Variants in TYK2 observed in about 807,000 individuals in gnomAD.
TYK2 encodes non-receptor tyrosine-protein kinase TYK2.
Under a neutral mutation model 130.9 loss-of-function variants are expected in TYK2, and 65 were observed. The observed-to-expected ratio is 0.50, with a 90% CI of 0.41 to 0.61. The LOEUF is 0.61. Among genes scored for constraint, TYK2 ranks in the 20% least tolerant of loss-of-function variants. The pLI, the probability that TYK2 is intolerant of heterozygous loss-of-function variation, is 0.00. For synonymous variants in TYK2, 647 were observed against 658.9 expected (o/e 0.98, Z 0.28); for missense variants, 1,378 against 1,610.7 (o/e 0.86, Z 2.47).
intron 3 of TYK2, among the ~76,000 whole-genome samples, chr19:10,377,615 G>GATAGATGC (rs2042192267): frequency 1.4e-5 from 1 of 71,846 alleles, no homozygotes. Flanking sequence ...TGGGTGGATG[G>GATAGATGC]ATGGGTGGAT....
rs1393700751 is a variant in TYK2 at position 10,359,291 on chromosome 19, T to C, written c.2059A>G (p.Thr687Ala). The C allele has an allele frequency of 6.2e-7, 1 of 1,611,386 alleles. No individual in the cohort carries two copies. Among genetic ancestry groups the C allele is most frequent in the African/African-American group, 1.3e-5 (1 of 74,926 alleles). The change falls in exon 15 of 25, where the codon ACA (threonine) becomes GCA (alanine). Residue 687 changes from threonine (T) to alanine (A), a missense_variant. Physicochemically the swap from Thr to Ala is moderately conservative, Grantham distance 58. Coordinates refer to ENST00000525621, the MANE Select transcript of TYK2 (RefSeq NM_003331.5). Reference sequence around the variant, plus strand: ...AGGGGTCCGTGCTCCACGTACTCTGTCACCATGATATCTGTAAAGACACAG... The same window carrying C: ...AGGGGTCCGTGCTCCACGTACTCTGCCACCATGATATCTGTAAAGACACAG... The part of the protein sequence containing the change: ...CVRGPENIMV[T>A]EYVEHGPLDV...
chr19:10,352,827 T>A (rs1773987899), intron 22 of TYK2, 99 bp downstream of exon 22: 4 of 1,441,512 alleles, frequency 2.8e-6, no homozygotes, highest in Non-Finnish European at 3.7e-6. Flanking sequence ...CGCGCTTCAC[T>A]GGGATCATGC....
intron 3 of TYK2, among the ~76,000 whole-genome samples, chr19:10,372,282 G>C (rs1166420589): frequency 2.1e-5 from 3 of 144,870 alleles, no homozygotes; most frequent in Non-Finnish European, 3.0e-5. Flanking sequence ...CGTGAGCCAC[G>C]GCGCCCGGCC....
intron 14 of TYK2, 33 bp from the exon 15 acceptor site, chr19:10,359,335 C>T (rs2041275533): frequency 1.9e-6 from 3 of 1,605,350 alleles, no homozygotes; most frequent in East Asian, 2.2e-5. Flanking sequence ...GGGCAACCTG[C>T]CTGCTTCTGC....
At position 10,353,942 on chromosome 19, in the gene TYK2, GTC is replaced by G; in HGVS notation, c.2908+98_2908+99del. 1 of 1,274,006 alleles carries G rather than the reference GTC, an allele frequency of 7.8e-7. No homozygotes were observed. Among genetic ancestry groups the G allele is most frequent in the Non-Finnish European group, 1.1e-6 (1 of 888,692 alleles). The allele number at this position is 1,274,006 out of a possible 1,614,324, so 78.9% of individuals were successfully genotyped here. A position where few individuals can be genotyped will look rare whatever the true frequency, so the allele number is the denominator to read the frequency against. On this transcript the variant is annotated intron_variant, in intron 20 of 24. Coordinates refer to ENST00000525621, the MANE Select transcript of TYK2 (RefSeq NM_003331.5). This position sits in a 1 kb window ranked among gnomAD's most constrained non-coding sequence, Gnocchi z 6.9. ...CGCGTACTGCAGCCTGGGGTTGAGA[GTC>G]TCTAATTGGCTAGGCCAGACTGGCC...
chr19:10,372,296 G>GACAAC (rs2041938890), intron 3 of TYK2, among the ~76,000 whole-genome samples: 1 of 129,946 alleles, frequency 7.7e-6, no homozygotes, highest in Non-Finnish European at 1.7e-5. Flanking sequence ...CCCGGCCTGG[G>GACAAC]TTTTTTTTTT....
At chr19:10,363,245 A>T (rs1274749890) in intron 9 of TYK2, among the ~76,000 whole-genome samples, 1 of 144,892 alleles carries the variant, frequency 6.9e-6, no homozygotes, top group Non-Finnish European at 1.5e-5. Context: ...GCTGGAGTGC[A>T]GCGGTGCAAT....
intron 2 of TYK2, 116 bp from the exon 3 acceptor site, chr19:10,378,542 T>C (rs2042252775): frequency 2.5e-6 from 2 of 814,854 alleles, no homozygotes; most frequent in Non-Finnish European, 4.0e-6. Context: ...GCTCCCATCT[T>C]GGCATGACAT....
chr19:10,357,084 C>T (rs1368125969), intron 17 of TYK2: 4 of 402,178 alleles, frequency 9.9e-6, no homozygotes, highest in Non-Finnish European at 1.9e-5. Context: ...CATAATTCTA[C>T]ACTTAGATAA....
rs12720288 is a variant in TYK2, at chr19:10,359,892, G to A, written c.2048-590C>T. On this transcript the variant is annotated intron_variant, in intron 14 of 24. Transcript: ENST00000525621. ...AAATTAGCCAGGCATGGTGGTGGGC[G>A]CCGGTAGTCCCAGCTACTTGGGAGG... Among the ~76,000 whole-genome samples, 435 of 152,156 alleles carry A rather than the reference G, an allele frequency of 2.9e-3. 2 individuals are homozygous for A. Among genetic ancestry groups the A allele is most frequent in the African/African-American group, 8.9e-3 (370 of 41,510 alleles).
intron 3 of TYK2, among the ~76,000 whole-genome samples, chr19:10,372,904 C>T (rs1464018163): frequency 6.6e-6 from 1 of 151,940 alleles, no homozygotes; most frequent in Non-Finnish European, 1.5e-5. Context: ...GATGGAGTCA[C>T]CCAGACTGGA....
Position 10,362,580 on chromosome 19 carries a change from C to A in TYK2, c.1445G>T (p.Arg482Leu), listed in dbSNP as rs767936553. ...LIHWSTSHPY[R>L]LILTVAQRSQ... is the part of the protein sequence containing the mutation. The stretch of plus-strand genomic sequence containing the variant: ...ACGCTGGGCCACTGTGAGGATCAGG[C>A]GGTAGGGGTGGCTGGTGCTCCAGTG... Residue 482 changes from arginine (R) to leucine (L), a missense_variant, in exon 10 of 25, where the codon CGC (arginine) becomes CTC (leucine). Arg to Leu is a moderately radical substitution (Grantham distance 102, BLOSUM62 -2). Transcript: ENST00000525621. 1 of 1,554,374 alleles carries A rather than the reference C, an allele frequency of 6.4e-7. No individual in the cohort carries two copies. The highest frequency in any genetic ancestry group is 2.0e-5 in the Admixed American group (1 of 51,216).
At chr19:10,358,184 G>C (rs745886116) in intron 15 of TYK2, 46 bp from the exon 16 acceptor site, 2 of 1,565,242 alleles carry the variant, frequency 1.3e-6, no homozygotes, top group Non-Finnish European at 1.7e-6. Context: ...GAGAGGCACA[G>C]ACGCCAACCC....
At chr19:10,370,607 C>A (rs1457680332) in intron 3 of TYK2, among the ~76,000 whole-genome samples, 1 of 151,646 alleles carries the variant, frequency 6.6e-6, no homozygotes, top group Non-Finnish European at 1.5e-5. Flanking sequence ...CACTTGAGGG[C>A]AGGAGTTTGA....
chr19:10,378,651 A>G (rs565745483), intron 2 of TYK2: 1 of 558,064 alleles, frequency 1.8e-6, no homozygotes, highest in Non-Finnish European at 3.2e-6. Flanking sequence ...AATAACACTG[A>G]ACCCTCCTCT....
intron 18 of TYK2, among the ~76,000 whole-genome samples, chr19:10,356,343 C>A (rs529728298): frequency 6.6e-6 from 1 of 152,274 alleles, no homozygotes; most frequent in East Asian, 1.9e-4. Flanking sequence ...CACGTCACTG[C>A]GCTCCAGGCT....
intron 16 of TYK2, 31 bp from the exon 17 acceptor site, chr19:10,357,949 G>A (rs1401018280): frequency 1.2e-6 from 2 of 1,613,392 alleles, no homozygotes; most frequent in Non-Finnish European, 1.7e-6. Flanking sequence ...GTCACCAAGG[G>A]TGAAAGGAGC....
rs144290894 is a variant in TYK2 at position 10,361,775 on chromosome 19, C to T, written c.1954G>A (p.Ala652Thr). ...KVLDPSHHDI[A>T]LAFYETASLM... The stretch of plus-strand genomic sequence containing the variant: ...GCCTGGCCCTGCCCACTCACCAGGG[C>T]GATGTCATGGTGACTAGGGTCCAGC... The change falls in exon 13 of 25, where the codon GCC becomes ACC. Residue 652 changes from alanine (A) to threonine (T), a missense_variant. Ala to Thr is a moderately conservative substitution (Grantham distance 58). Coordinates refer to ENST00000525621, the MANE Select transcript of TYK2 (RefSeq NM_003331.5). This position sits in a 1 kb window ranked among gnomAD's most constrained non-coding sequence, Gnocchi z 4.0. 71 of 1,613,394 alleles carry T rather than the reference C, an allele frequency of 4.4e-5. No homozygotes were observed. The East Asian group carries it at 7.4e-4, about 17-fold the overall frequency.
chr19:10,351,092 C>A lies in TYK2; in HGVS notation c.3389G>T (p.Arg1130Leu). ...TVLRLTELLE[R>L]GERLPRPDKC... Reference sequence around the variant, plus strand: ...GTCGGGCCGTGGCAGCCTCTCCCCTCGTTCCAGCAACTCAGTGAGTCTCAG... The same window carrying A: ...GTCGGGCCGTGGCAGCCTCTCCCCTAGTTCCAGCAACTCAGTGAGTCTCAG... The change falls in exon 24 of 25, where the codon CGA becomes CTA. Residue 1130 changes from arginine (R) to leucine (L), a missense_variant. Transcript: ENST00000525621. 6.2e-7 allele frequency: 1 copy of A among 1,614,156 alleles called. No homozygotes were observed. The highest frequency in any genetic ancestry group is 8.5e-7 in the Non-Finnish European group (1 of 1,180,032).
Sources: gnomAD v4.1 joint callset for allele counts (sites outside exome capture counted in the v4.1 genomes callset) on GRCh38, gnomAD v4.1.1 for gene constraint, Gnocchi (gnomAD v3.1) non-coding constraint, MANE v1.5 for transcripts, NCBI Gene and HGNC (gene_info 2026-07-23, HGNC 2026-07-21) for gene names.